EWSR1: variants seen among roughly 807,000 people sequenced by gnomAD.
EWSR1 encodes the protein RNA-binding protein EWS.
In EWSR1, 14 loss-of-function variants were observed where a neutral mutation model predicts 92.1. That is an observed-to-expected ratio of 0.15 (90% CI 0.10 to 0.24). The LOEUF is 0.24. Among genes scored for constraint, EWSR1 ranks in the 10% least tolerant of loss-of-function variants. EWSR1 has a pLI of 1.00. For synonymous variants in EWSR1, 303 were observed against 292.9 expected (o/e 1.03, Z -0.35); for missense variants, 637 against 870.9 (o/e 0.73, Z 3.38).
At chr22:29,273,409 C>G (rs1354705791) in intron 3 of EWSR1, among the ~76,000 whole-genome samples, 1 of 152,202 alleles carries the variant, frequency 6.6e-6, no homozygotes, top group Non-Finnish European at 1.5e-5. Context: ...TATTGCTCTT[C>G]CCTTGAGAGT....
rs776633985 is a variant in EWSR1 at position 29,299,635 on chromosome 22, G to A, written c.1715G>A (p.Arg572Gln). The change falls in exon 16 of 17, where the codon CGG becomes CAG. Residue 572 changes from arginine to glutamine, a missense_variant. By Grantham distance (43) the Arg-to-Gln change is conservative. Around this residue, in one of 5 missense-constraint regions of EWSR1, gnomAD observed 363 missense variants for 447.8 expected, o/e 0.81. Coordinates refer to ENST00000397938, the MANE Select transcript of EWSR1 (RefSeq NM_005243.4). The part of the protein sequence containing the change: ...DRGRGGPGGM[R>Q]GGRGGLMDRG... ...GGCAGAGGTGGCCCTGGTGGCATGC[G>A]GGGAGGAAGAGGTGGCCTCATGGAT... 1.2e-6 allele frequency: 2 copies of A among 1,607,844 alleles called. No homozygotes were observed. The highest frequency in any genetic ancestry group is 1.7e-6 in the Non-Finnish European group (2 of 1,176,630).
chr22:29,300,342 C>A lies in EWSR1; in HGVS notation c.*181C>A. The A allele has an allele frequency of 3.3e-6, 2 of 606,170 alleles. No homozygotes were observed. The highest frequency in any genetic ancestry group is 2.7e-6 in the Non-Finnish European group (1 of 364,232). The allele number at this position is 606,170 out of a possible 1,614,324, so 37.5% of individuals were successfully genotyped here. A position where few individuals can be genotyped will look rare whatever the true frequency, so the allele number is the denominator to read the frequency against. On this transcript the variant is annotated 3_prime_UTR_variant, in exon 17 of 17. Transcript: ENST00000397938. Reference sequence around the variant, plus strand: ...TTAAAACAAGTTAAATGGTAGTGTGCGGAGTTTTTTTTTCTTCCTTCTTTT... The same window carrying A: ...TTAAAACAAGTTAAATGGTAGTGTGAGGAGTTTTTTTTTCTTCCTTCTTTT...
At chr22:29,282,642 G>GC (rs1390857709) in intron 6 of EWSR1, 85 bp downstream of exon 6, 2 of 1,176,464 alleles carry the variant, frequency 1.7e-6, no homozygotes, top group East Asian at 5.5e-5. Context: ...GACTTCTTCA[G>GC]CTAAGGTATG....
intron 1 of EWSR1, 40 bp downstream of exon 1, chr22:29,268,389 G>A (rs761822106): frequency 6.2e-7 from 1 of 1,613,886 alleles, no homozygotes; most frequent in East Asian, 2.2e-5. Flanking sequence ...GCGGTAGCCG[G>A]AACGCCCAAA....
intron 12 of EWSR1, among the ~76,000 whole-genome samples, chr22:29,296,990 C>T (rs1328943149): frequency 6.6e-6 from 1 of 152,196 alleles, no homozygotes; most frequent in Non-Finnish European, 1.5e-5. Flanking sequence ...TTTGAAGCTC[C>T]AGTGAGCTGA....
intron 11 of EWSR1, among the ~76,000 whole-genome samples, chr22:29,294,711 C>A (rs1028177247): frequency 6.6e-6 from 1 of 151,784 alleles, no homozygotes; most frequent in African/African-American, 2.4e-5. Context: ...GTCAAGAGAT[C>A]GAGACCATCC....
chr22:29,286,955 A>G lies in EWSR1; in HGVS notation c.614A>G (p.Gln205Arg), dbSNP rs1328428972. ...TCTACACAGCCGACTAGTTATGATC[A>G]GAGCAGTTACTCTCAGCAGAACACC... is the stretch of plus-strand genomic sequence containing the variant. ...YSSTQPTSYD[Q>R]SSYSQQNTYG... The change falls in exon 7 of 17, where the codon CAG becomes CGG. Residue 205 changes from glutamine to arginine, a missense_variant. Around this residue, in one of 5 missense-constraint regions of EWSR1, gnomAD observed 116 missense variants for 167.8 expected, o/e 0.69. Transcript: ENST00000397938. The G allele has an allele frequency of 5.0e-6, 8 of 1,613,206 alleles. No homozygotes were observed. The highest frequency in any genetic ancestry group is 5.9e-6 in the Non-Finnish European group (7 of 1,179,770).
At chr22:29,290,736 G>A in intron 8 of EWSR1, 1 of 1,192,796 alleles carries the variant, frequency 8.4e-7, no homozygotes, top group Non-Finnish European at 1.1e-6. Flanking sequence ...AAAGCTGCAT[G>A]CAACAGCTTG....
chr22:29,285,324 G>A (rs568201224), intron 6 of EWSR1, among the ~76,000 whole-genome samples: 13 of 150,386 alleles, frequency 8.6e-5, no homozygotes, highest in Non-Finnish European at 1.9e-4. Flanking sequence ...GTTTCACTAT[G>A]TTGGTCAGGC....
At chr22:29,280,766 G>A (rs1201781483) in intron 5 of EWSR1, among the ~76,000 whole-genome samples, 4 of 149,226 alleles carry the variant, frequency 2.7e-5, no homozygotes, top group African/African-American at 2.5e-5. Flanking sequence ...CTCCGCCTCC[G>A]GGGTTCAAGT....
rs1395533203 is a variant in EWSR1, at chr22:29,280,835, AG to A, written c.414-1554del. 3.7e-5 allele frequency among the ~76,000 whole-genome samples: 5 copies of A among 134,014 alleles called. No homozygotes were observed. In the Admixed American group the frequency reaches 4.2e-4, roughly 11 times the overall value. 87.9% of individuals were successfully genotyped at this position (134,014 alleles called of 152,430 possible). ...ATTACAGGTGCCCGCCACTCTGCCC[AG>A]CTAATTTTGTGTGTGTGTGTGTGTT... is the stretch of plus-strand genomic sequence containing the variant. On this transcript the variant is annotated intron_variant, in intron 5 of 16. Transcript: ENST00000397938.
At chr22:29,280,848 T>C (rs1244429746) in intron 5 of EWSR1, among the ~76,000 whole-genome samples, 1 of 145,638 alleles carries the variant, frequency 6.9e-6, no homozygotes, top group Non-Finnish European at 1.5e-5. Flanking sequence ...TAATTTTGTG[T>C]GTGTGTGTGT....
Position 29,288,685 on chromosome 22 carries a change from C to T in EWSR1, c.873C>T (p.Asn291=), listed in dbSNP as rs777136708. The T allele has an allele frequency of 3.7e-6, 6 of 1,613,882 alleles. No individual in the cohort carries two copies. In the East Asian group the frequency reaches 8.9e-5, roughly 24 times the overall value. ...ESGGFSGPGE[N]RSMSGPDNRG... ...GAGGATTTTCCGGACCAGGAGAGAACCGGAGCATGAGTGGCCCTGATAACC... is the reference window on the plus strand; with the variant it reads ...GAGGATTTTCCGGACCAGGAGAGAATCGGAGCATGAGTGGCCCTGATAACC... The change falls in exon 8 of 17, where the codon AAC becomes AAT. Residue 291 remains asparagine, a synonymous_variant. Transcript: ENST00000397938.
intron 6 of EWSR1, 139 bp downstream of exon 6, chr22:29,282,696 T>C: frequency 1.7e-6 from 1 of 603,196 alleles, no homozygotes; most frequent in African/African-American, 1.9e-5. Flanking sequence ...CATACTTGGT[T>C]ACATTAAAGC....
chr22:29,288,495 G>A (rs1206443582), intron 7 of EWSR1, 111 bp from the exon 8 acceptor site: 14 of 991,566 alleles, frequency 1.4e-5, no homozygotes, highest in Non-Finnish European at 2.0e-5. Context: ...TAAAGAAGAT[G>A]GTGCCTTGGT....
At chr22:29,296,514 C>A in intron 12 of EWSR1, 146 bp downstream of exon 12, 1 of 809,358 alleles carries the variant, frequency 1.2e-6, no homozygotes, top group Non-Finnish European at 1.9e-6. Context: ...GTAGTAGCAC[C>A]CAGCCATTGA....
intron 1 of EWSR1, among the ~76,000 whole-genome samples, chr22:29,269,014 T>C (rs371571195): frequency 1.3e-5 from 2 of 152,256 alleles, no homozygotes; most frequent in East Asian, 3.9e-4. Context: ...AGTTTGCCGC[T>C]TTCTTGGGCT....
intron 14 of EWSR1, 55 bp downstream of exon 14, chr22:29,298,950 A>ACC (rs1282646109): frequency 9.4e-6 from 14 of 1,486,436 alleles, no homozygotes; most frequent in African/African-American, 1.4e-5. Flanking sequence ...CCCTTCCCTC[A>ACC]CCCCATCCCC....
At chr22:29,288,221 C>T (rs1038785562) in intron 7 of EWSR1, among the ~76,000 whole-genome samples, 2 of 152,146 alleles carry the variant, frequency 1.3e-5, no homozygotes, top group African/African-American at 2.4e-5. Context: ...ATTTATGGAG[C>T]TCAGCCCCTA....
Sources: gnomAD v4.1 joint callset for allele counts (sites outside exome capture counted in the v4.1 genomes callset) on GRCh38, gnomAD v4.1.1 for gene constraint, gnomAD v4.1.1 regional missense constraint, MANE v1.5 for transcripts, NCBI Gene and HGNC (gene_info 2026-07-23, HGNC 2026-07-21) for gene names.